The following CDK18 variants were observed in gnomAD, a reference collection of about 807,000 sequenced individuals.
CDK18 encodes cyclin dependent kinase 18.
In CDK18, 52 loss-of-function variants were observed where a neutral mutation model predicts 62.0. The ratio of observed to expected loss-of-function variants is 0.84; its 90% CI spans 0.67 to 1.06. The LOEUF is 1.06. Ranked by LOEUF, CDK18 falls within the 50% of genes least tolerant of loss-of-function variation. The probability of loss-of-function intolerance (pLI) is 0.00; values close to 1 mark genes in which losing one functional copy is unlikely to be tolerated. For synonymous variants in CDK18, 237 were observed against 247.0 expected (o/e 0.96, Z 0.38); for missense variants, 604 against 619.9 (o/e 0.97, Z 0.27).
chr1:205,528,901 G>C lies in CDK18; in HGVS notation c.975-98G>C, dbSNP rs2102320542. On this transcript the variant is annotated intron_variant, in intron 10 of 15. Transcript: ENST00000429964. This position sits in a 1 kb window ranked among gnomAD's most constrained non-coding sequence, Gnocchi z 4.2. ...CGCCGCCAGAGCCACGATCCCTGCA[G>C]CCGCCTGTGGCAGGTCGTCATTGGT... is the stretch of plus-strand genomic sequence containing the variant. 1 of 767,864 alleles carries C rather than the reference G, an allele frequency of 1.3e-6. No homozygotes were observed. The highest frequency in any genetic ancestry group is 2.1e-6 in the Non-Finnish European group (1 of 467,904). 47.6% of individuals were successfully genotyped at this position (767,864 alleles called of 1,614,324 possible).
rs980048119 is a variant in CDK18, at chr1:205,516,030, G to A, written c.-21-7117G>A. On this transcript the variant is annotated intron_variant, in intron 1 of 15. Transcript: ENST00000429964. This position sits in a 1 kb window ranked among gnomAD's most constrained non-coding sequence, Gnocchi z 4.8. The stretch of plus-strand genomic sequence containing the variant: ...CTGGGGCAGGGCAAGGTTGTGAGGA[G>A]GCCCCAAGGCTTCTGCTGCTGACGC... 1.3e-5 allele frequency among the ~76,000 whole-genome samples: 2 copies of A among 152,130 alleles called. No individual in the cohort carries two copies. The highest frequency in any genetic ancestry group is 2.9e-5 in the Non-Finnish European group (2 of 68,024).
chr1:205,531,651 C>T lies in CDK18; in HGVS notation c.*273C>T. The T allele has an allele frequency of 2.1e-6, 1 of 465,574 alleles. No individual in the cohort carries two copies. The highest frequency in any genetic ancestry group is 4.0e-6 in the Non-Finnish European group (1 of 252,534). The allele number at this position is 465,574 out of a possible 1,614,324, so 28.8% of individuals were successfully genotyped here. On this transcript the variant is annotated 3_prime_UTR_variant, in exon 16 of 16. Coordinates refer to ENST00000429964, the MANE Select transcript of CDK18 (RefSeq NM_212502.3). ...TGAGAGGACATGAGGGGGGGGCGGT[C>T]CTCGTACCCTCTCCCACCCTGGTGT...
At position 205,528,274 on chromosome 1, in the gene CDK18, T is replaced by A; in HGVS notation, c.974+106T>A. ...CTCGGGGAAGAACTGCCTAACTTCC[T>A]TTGCCTAAAAGCCTTGTGACATCCT... On this transcript the variant is annotated intron_variant, in intron 10 of 15. Coordinates refer to ENST00000429964, the MANE Select transcript of CDK18 (RefSeq NM_212502.3). The surrounding 1 kb of genome is among the most constrained non-coding windows in gnomAD (Gnocchi z 4.2). The A allele has an allele frequency of 7.3e-7, 1 of 1,371,490 alleles. No individual in the cohort carries two copies. Among genetic ancestry groups the A allele is most frequent in the Non-Finnish European group, 1.0e-6 (1 of 996,976 alleles). The allele number at this position is 1,371,490 out of a possible 1,614,324, so 85.0% of individuals were successfully genotyped here. A position where few individuals can be genotyped will look rare whatever the true frequency, so the allele number is the denominator to read the frequency against.
chr1:205,514,074 C>T (rs541999784), intron 1 of CDK18, among the ~76,000 whole-genome samples: 5 of 152,322 alleles, frequency 3.3e-5, no homozygotes, highest in Admixed American at 6.5e-5. Flanking sequence ...TGACGAGTCA[C>T]GCCACAGTGC....
intron 1 of CDK18, among the ~76,000 whole-genome samples, chr1:205,514,176 A>C (rs1027836255): frequency 6.6e-6 from 1 of 152,234 alleles, no homozygotes; most frequent in African/African-American, 2.4e-5. Flanking sequence ...GGATGTCAGA[A>C]AGCTGTGGGA....
chr1:205,528,963 C>G lies in CDK18; in HGVS notation c.975-36C>G, dbSNP rs368089672. 43 of 1,453,052 alleles carry G rather than the reference C, an allele frequency of 3.0e-5. No homozygotes were observed. The highest frequency in any genetic ancestry group is 4.0e-5 in the Admixed American group (2 of 50,040). The allele number at this position is 1,453,052 out of a possible 1,614,324, so 90.0% of individuals were successfully genotyped here. A position where few individuals can be genotyped will look rare whatever the true frequency, so the allele number is the denominator to read the frequency against. On this transcript the variant is annotated intron_variant, in intron 10 of 15. Transcript: ENST00000429964. This position sits in a 1 kb window ranked among gnomAD's most constrained non-coding sequence, Gnocchi z 4.2. ...GCAGCCCTAGGAAGGGCGGCCGCCC[C>G]TGCCTGATGCCGACCCTACCCCTTG...
At chr1:205,524,180 T>C (rs1343091701) in intron 3 of CDK18, 52 bp from the exon 4 acceptor site, 2 of 1,612,340 alleles carry the variant, frequency 1.2e-6, no homozygotes, top group Non-Finnish European at 1.7e-6. Flanking sequence ...CCCACAGCCC[T>C]AGCTACCCTG....
intron 1 of CDK18, among the ~76,000 whole-genome samples, chr1:205,507,162 C>A (rs1236996463): frequency 1.3e-5 from 2 of 152,170 alleles, no homozygotes; most frequent in Non-Finnish European, 2.9e-5. Context: ...CCTCTGATTC[C>A]TTCTGTTCTT....
intron 4 of CDK18, 61 bp downstream of exon 4, chr1:205,524,418 A>C (rs77138262): frequency 8.8e-6 from 14 of 1,593,784 alleles, no homozygotes; most frequent in Non-Finnish European, 1.1e-5. Flanking sequence ...CAGCATGGGC[A>C]TATCAGTCCC....
At chr1:205,512,658 A>G (rs899268559) in intron 1 of CDK18, among the ~76,000 whole-genome samples, 2 of 152,174 alleles carry the variant, frequency 1.3e-5, no homozygotes, top group African/African-American at 4.8e-5. Flanking sequence ...AGAGGAGCCC[A>G]GTGGAGTTCT....
At chr1:205,515,476 C>T (rs575683059) in intron 1 of CDK18, among the ~76,000 whole-genome samples, 67 of 152,302 alleles carry the variant, frequency 4.4e-4, no homozygotes, top group Non-Finnish European at 7.2e-4. Context: ...CGCGCCTAGC[C>T]ACTTTGAAAG....
rs568632348 is a variant in CDK18, at chr1:205,510,641, G to A, written c.-22+5845G>A. ...CCAATAAAGGGAGTGCCATCTCTAC[G>A]CAGGCCCATGCAGTCCCTTCCAACC... On this transcript the variant is annotated intron_variant, in intron 1 of 15. Coordinates refer to ENST00000429964, the MANE Select transcript of CDK18 (RefSeq NM_212502.3). 2.4e-4 allele frequency among the ~76,000 whole-genome samples: 37 copies of A among 152,340 alleles called. 1 individual carries two copies. The highest frequency in any genetic ancestry group is 8.7e-4 in the African/African-American group (36 of 41,580).
intron 1 of CDK18, among the ~76,000 whole-genome samples, chr1:205,506,898 G>A (rs12728351): frequency 0.17 from 25,775 of 152,212 alleles, 2,423 homozygotes; most frequent in Middle Eastern, 0.26. Context: ...CTGAGATCTC[G>A]TGGGATCAGG....
intron 1 of CDK18, among the ~76,000 whole-genome samples, chr1:205,514,569 C>T (rs903010349): frequency 6.6e-6 from 1 of 152,144 alleles, no homozygotes; most frequent in Non-Finnish European, 1.5e-5. Flanking sequence ...ATTTATTGCA[C>T]GTGGCAGTGT....
chr1:205,517,998 C>G lies in CDK18; in HGVS notation c.-21-5149C>G, dbSNP rs1484268497. Among the ~76,000 whole-genome samples, 1 of 152,166 alleles carries G rather than the reference C, an allele frequency of 6.6e-6. No individual in the cohort carries two copies. The highest frequency in any genetic ancestry group is 1.5e-5 in the Non-Finnish European group (1 of 68,036). ...GCCACATCATTGTCCTGCAGTGAAC[C>G]AGACTTACTTCTGCCTCAGGACCTT... On this transcript the variant is annotated intron_variant, in intron 1 of 15. Coordinates refer to ENST00000429964, the MANE Select transcript of CDK18 (RefSeq NM_212502.3). The surrounding 1 kb of genome is among the most constrained non-coding windows in gnomAD (Gnocchi z 4.1).
chr1:205,518,958 T>C (rs541795621), intron 1 of CDK18, among the ~76,000 whole-genome samples: 1 of 152,264 alleles, frequency 6.6e-6, no homozygotes, highest in African/African-American at 2.4e-5. Flanking sequence ...ACCCTGCAGC[T>C]CCTCAGTGGG....
chr1:205,529,366 C>CTGTG lies in CDK18; in HGVS notation c.1117_1118insTGTG (p.Glu373ValfsTer2), dbSNP rs1328067698. ...ACGTGGCCCGGCGTGACCGCCTTCT[C>CTGTG]TGAGTTCCGCACCTACAGCTTCCCC... is the stretch of plus-strand genomic sequence containing the variant. On this transcript the variant is annotated frameshift_variant, in exon 12 of 16. Transcript: ENST00000429964. LOFTEE classifies it high-confidence loss of function. 1 of 1,613,952 alleles carries CTGTG rather than the reference C, an allele frequency of 6.2e-7. No homozygotes were observed. The highest frequency in any genetic ancestry group is 1.3e-5 in the African/African-American group (1 of 74,946).
intron 1 of CDK18, among the ~76,000 whole-genome samples, chr1:205,506,443 G>A (rs1667309842): frequency 6.6e-6 from 1 of 152,234 alleles, no homozygotes; most frequent in African/African-American, 2.4e-5. Context: ...CTCTCCACGC[G>A]TGCCAGAAGA....
intron 3 of CDK18, chr1:205,523,830 G>C: frequency 1.5e-6 from 1 of 687,864 alleles, no homozygotes; most frequent in Admixed American, 3.2e-5. Context: ...GATTAAATGG[G>C]TTTATCTATG....
Sources: allele counts gnomAD v4.1 joint callset (sites outside exome capture counted in the v4.1 genomes callset), GRCh38; gene constraint gnomAD v4.1.1; non-coding constraint Gnocchi (gnomAD v3.1); transcripts MANE v1.5; gene names NCBI Gene and HGNC (gene_info 2026-07-23, HGNC 2026-07-21).